Variants in ZC3H14 observed in about 807,000 individuals in gnomAD.
ZC3H14 encodes zinc finger CCCH-type containing 14.
ZC3H14 carries 31 observed loss-of-function variants against 92.4 expected under a neutral mutation model. The observed-to-expected ratio is 0.34, with a 90% CI of 0.25 to 0.45. ZC3H14 has a LOEUF of 0.45. ZC3H14 is among the 20% of genes least tolerant of loss of function. The pLI is 1.00. For missense variants in ZC3H14, 781 were observed against 897.3 expected, an observed-to-expected ratio of 0.87 and a Z score of 1.66; for synonymous variants, 321 against 300.9, an observed-to-expected ratio of 1.07 and a Z score of -0.69.
At chr14:88,578,884 T>C (rs1305900741) in intron 9 of ZC3H14, among the ~76,000 whole-genome samples, 1 of 150,808 alleles carries the variant, frequency 6.6e-6, no homozygotes, top group Admixed American at 6.6e-5. Flanking sequence ...TCTGACTCCT[T>C]TGTGAAAGTA....
intron 9 of ZC3H14, 44 bp from the exon 10 acceptor site, chr14:88,596,690 G>T (rs1362910293): frequency 6.5e-7 from 1 of 1,542,352 alleles, no homozygotes; most frequent in Non-Finnish European, 9.0e-7. Context: ...TGCTGGTATT[G>T]TCTGTGTTGT....
rs1353432175 is a variant in ZC3H14, at chr14:88,603,051, T to C, written c.1738T>C (p.Phe580Leu). 2 of 1,614,156 alleles carry C rather than the reference T, an allele frequency of 1.2e-6. No homozygotes were observed. Among genetic ancestry groups the C allele is most frequent in the Admixed American group, 3.3e-5 (2 of 60,020 alleles). ...GCAGCTTGAGGACCCAAATGGTAGC[T>C]TTTCTAACGGTGTGTTGAGAGCTCA... ...SRQLEDPNGS[F>L]SNAEMSELSV... is the part of the protein sequence containing the mutation. Residue 580 changes from phenylalanine (F) to leucine (L), a missense_variant, in exon 12 of 17, where the codon TTT (phenylalanine) becomes CTT (leucine). Around this residue, in one of 3 missense-constraint regions of ZC3H14, gnomAD observed 221 missense variants for 304.7 expected, o/e 0.73. Transcript: ENST00000251038.
intron 2 of ZC3H14, among the ~76,000 whole-genome samples, chr14:88,566,014 C>G (rs759448263): frequency 7.7e-5 from 5 of 64,784 alleles, no homozygotes; most frequent in Non-Finnish European, 2.1e-4. Context: ...ATTACAGGCA[C>G]CTGCCACCAC....
chr14:88,613,425 A>G lies in ZC3H14; in HGVS notation c.*1674A>G, dbSNP rs2087131767. ...TAAAGATAGTTTTGTTCTCAGTTTC[A>G]CTATAAATTATAGAACAAATGGGAA... is the stretch of plus-strand genomic sequence containing the variant. On this transcript the variant is annotated 3_prime_UTR_variant, in exon 17 of 17. Coordinates refer to ENST00000251038, the MANE Select transcript of ZC3H14 (RefSeq NM_024824.5). The G allele has an allele frequency of 6.6e-6, 1 of 152,194 alleles. No individual in the cohort carries two copies. The highest frequency in any genetic ancestry group is 1.5e-5 in the Non-Finnish European group (1 of 68,032). The allele number at this position is 152,194 out of a possible 1,614,324, so 9.4% of individuals were successfully genotyped here.
In ZC3H14 at chr14:88,615,474, T is replaced by C. The variant is rs549160870; in HGVS notation, c.*3723T>C. On this transcript the variant is annotated 3_prime_UTR_variant, in exon 17 of 17. Transcript: ENST00000251038. ...AAAAAGATAATGAAAATTATCCAAA[T>C]TGGGTTTTTGAGTTCTTCTGTAAAG... is the stretch of plus-strand genomic sequence containing the variant. 53 of 230,140 alleles carry C rather than the reference T, an allele frequency of 2.3e-4. No individual in the cohort carries two copies. Among genetic ancestry groups the C allele is most frequent in the African/African-American group, 1.1e-3 (48 of 44,616 alleles). The allele number at this position is 230,140 out of a possible 1,614,324, so 14.3% of individuals were successfully genotyped here. A position where few individuals can be genotyped will look rare whatever the true frequency, so the allele number is the denominator to read the frequency against.
At position 88,572,941 on chromosome 14, in the gene ZC3H14, G is replaced by A; in HGVS notation, c.795G>A (p.Val265=). 1 of 1,614,152 alleles carries A rather than the reference G, an allele frequency of 6.2e-7. No homozygotes were observed. Among genetic ancestry groups the A allele is most frequent in the Non-Finnish European group, 8.5e-7 (1 of 1,180,052 alleles). ...YETGRLCEPE[V]LNSLEETYSP... is the part of the protein sequence containing the mutation. Reference sequence around the variant, plus strand: ...CAGGACGTTTGTGTGAACCAGAGGTGCTTAACAGCTTAGAAGAAACGTATA... The same window carrying A: ...CAGGACGTTTGTGTGAACCAGAGGTACTTAACAGCTTAGAAGAAACGTATA... Residue 265 remains valine (V), a synonymous_variant, in exon 6 of 17, where the codon GTG becomes GTA. Coordinates refer to ENST00000251038, the MANE Select transcript of ZC3H14 (RefSeq NM_024824.5).
At chr14:88,593,584 C>A (rs770650158) in intron 9 of ZC3H14, among the ~76,000 whole-genome samples, 1 of 152,086 alleles carries the variant, frequency 6.6e-6, no homozygotes, top group African/African-American at 2.4e-5. Flanking sequence ...CTTTCACAAC[C>A]CATCAATTTT....
intron 10 of ZC3H14, among the ~76,000 whole-genome samples, chr14:88,600,666 G>A (rs573959629): frequency 1.3e-5 from 2 of 152,012 alleles, no homozygotes; most frequent in African/African-American, 4.8e-5. Flanking sequence ...TGCCTAGGCC[G>A]GTCTCAAACT....
chr14:88,607,815 C>T (rs2085757859), intron 13 of ZC3H14, among the ~76,000 whole-genome samples: 1 of 137,892 alleles, frequency 7.3e-6, no homozygotes, highest in Non-Finnish European at 1.6e-5. Context: ...TCCCCCACCT[C>T]AGCCTGCAAG....
intron 9 of ZC3H14, among the ~76,000 whole-genome samples, chr14:88,596,156 G>A (rs1163569787): frequency 2.0e-5 from 3 of 152,206 alleles, no homozygotes; most frequent in Admixed American, 2.0e-4. Context: ...TTGTGGAAGA[G>A]GCAAAGAATT....
intron 12 of ZC3H14, among the ~76,000 whole-genome samples, chr14:88,606,686 G>A (rs1052200541): frequency 2.1e-5 from 3 of 145,342 alleles, no homozygotes; most frequent in East Asian, 2.0e-4. Context: ...GCAGTGAGCC[G>A]AGATTACACC....
At chr14:88,586,290 T>C (rs2082469594) in intron 9 of ZC3H14, among the ~76,000 whole-genome samples, 1 of 152,270 alleles carries the variant, frequency 6.6e-6, no homozygotes, top group Non-Finnish European at 1.5e-5. Flanking sequence ...CTCTGAGTGT[T>C]ATTTGGGGAT....
rs2080631970 is a variant in ZC3H14, at chr14:88,572,965, T to C, written c.819T>C (p.Tyr273=). The stretch of plus-strand genomic sequence containing the variant: ...TGCTTAACAGCTTAGAAGAAACGTA[T>C]AGTCCGTTCTTTAGAAACAACTCGG... ...PEVLNSLEET[Y]SPFFRNNSEK... Residue 273 remains tyrosine, a synonymous_variant, in exon 6 of 17, where the codon TAT becomes TAC. Coordinates refer to ENST00000251038, the MANE Select transcript of ZC3H14 (RefSeq NM_024824.5). The C allele has an allele frequency of 1.2e-6, 2 of 1,614,158 alleles. No homozygotes were observed. Among genetic ancestry groups the C allele is most frequent in the East Asian group, 2.2e-5 (1 of 44,888 alleles).
At chr14:88,579,314 T>G (rs537895237) in intron 9 of ZC3H14, among the ~76,000 whole-genome samples, 47 of 152,300 alleles carry the variant, frequency 3.1e-4, no homozygotes, top group African/African-American at 1.1e-3. Flanking sequence ...TGATAATTGA[T>G]AGGCCTGAGG....
chr14:88,571,235 T>A, intron 4 of ZC3H14, 111 bp downstream of exon 4: 1 of 920,704 alleles, frequency 1.1e-6, no homozygotes, highest in South Asian at 2.0e-5. Flanking sequence ...AACGGTTCAT[T>A]TGAACTTTTT....
chr14:88,575,017 A>G (rs992138595), intron 7 of ZC3H14, among the ~76,000 whole-genome samples, 164 bp downstream of exon 7: 2 of 152,162 alleles, frequency 1.3e-5, no homozygotes, highest in African/African-American at 4.8e-5. Context: ...GCTCACTGCA[A>G]CCTCTGCCTC....
At chr14:88,590,454 T>C (rs6575013) in intron 9 of ZC3H14, 35,444 of 152,490 alleles carry the variant, frequency 0.23, 4,610 homozygotes, top group East Asian at 0.52. Context: ...TTGGAAGAGC[T>C]GCGCGTCTCA....
intron 13 of ZC3H14, among the ~76,000 whole-genome samples, chr14:88,607,567 C>T (rs955272333): frequency 6.7e-6 from 1 of 148,332 alleles, no homozygotes. Flanking sequence ...TACCATCCCC[C>T]ATCTCACCCT....
At position 88,612,520 on chromosome 14, in the gene ZC3H14, C is replaced by G. The variant is rs921347544; in HGVS notation, c.*769C>G. 1.3e-5 allele frequency: 2 copies of G among 152,368 alleles called. No individual in the cohort carries two copies. Among genetic ancestry groups the G allele is most frequent in the African/African-American group, 4.8e-5 (2 of 41,422 alleles). The allele number at this position is 152,368 out of a possible 1,614,324, so 9.4% of individuals were successfully genotyped here. ...TCACAAAATTATACAAATTTTTTTACAAGTATTTACATACTGTATCTGAAA... is the reference window on the plus strand; with the variant it reads ...TCACAAAATTATACAAATTTTTTTAGAAGTATTTACATACTGTATCTGAAA... On this transcript the variant is annotated 3_prime_UTR_variant, in exon 17 of 17. Coordinates refer to ENST00000251038, the MANE Select transcript of ZC3H14 (RefSeq NM_024824.5).
Sources: gnomAD v4.1 joint callset for allele counts (sites outside exome capture counted in the v4.1 genomes callset) on GRCh38, gnomAD v4.1.1 for gene constraint, gnomAD v4.1.1 regional missense constraint, MANE v1.5 for transcripts, NCBI Gene and HGNC (gene_info 2026-07-23, HGNC 2026-07-21) for gene names.